KLHL13: variants seen among roughly 807,000 people sequenced by gnomAD.
The protein encoded by KLHL13 is kelch like family member 13.
KLHL13 carries 10 observed loss-of-function variants against 37.1 expected under a neutral mutation model. The ratio of observed to expected loss-of-function variants is 0.27; its 90% CI spans 0.17 to 0.46. The LOEUF is 0.46. Ranked by LOEUF, KLHL13 falls within the 20% of genes least tolerant of loss-of-function variation. KLHL13 has a pLI of 1.00. For synonymous variants in KLHL13, 163 were observed against 181.2 expected (o/e 0.90, Z 0.81); for missense variants, 360 against 509.3 (o/e 0.71, Z 2.82).
At chrX:118,038,061 G>A (rs1331786197) in intron 1 of KLHL13, among the ~76,000 whole-genome samples, 1 of 112,457 alleles carries the variant, frequency 8.9e-6, no homozygotes, top group Admixed American at 9.4e-5. Context: ...GAGAACAATT[G>A]TTTGATGTAC....
intron 1 of KLHL13, among the ~76,000 whole-genome samples, chrX:118,061,976 T>C (rs1421694054): frequency 2.7e-5 from 3 of 111,532 alleles, no homozygotes; most frequent in Non-Finnish European, 5.7e-5. Context: ...TCTATCTTTT[T>C]GGTATAGAGA....
intron 1 of KLHL13, among the ~76,000 whole-genome samples, chrX:118,036,743 G>T (rs1602673799): frequency 1.8e-5 from 2 of 110,885 alleles, no homozygotes; most frequent in Non-Finnish European, 3.8e-5. Flanking sequence ...ATTGACAAAT[G>T]GGATCTAATT....
intron 1 of KLHL13, among the ~76,000 whole-genome samples, chrX:118,034,206 T>C (rs1417477427): frequency 9.5e-6 from 1 of 104,939 alleles, no homozygotes; most frequent in African/African-American, 3.8e-5. Flanking sequence ...AACAAGGATA[T>C]CCAGGAATTG....
At chrX:118,084,144 ACT>A (rs758553989) in intron 1 of KLHL13, among the ~76,000 whole-genome samples, 1 of 104,110 alleles carries the variant, frequency 9.6e-6, no homozygotes, top group East Asian at 3.0e-4. Context: ...ACATAATGAA[ACT>A]CTGTCTCTAC....
At chrX:117,931,804 G>A (rs1007413773) in intron 2 of KLHL13, among the ~76,000 whole-genome samples, 1 of 111,175 alleles carries the variant, frequency 9.0e-6, no homozygotes, top group Non-Finnish European at 1.9e-5. Flanking sequence ...TAATCTCCCT[G>A]AGCTTCAGCG....
intron 1 of KLHL13, among the ~76,000 whole-genome samples, chrX:118,080,532 G>A (rs1292662340): frequency 1.8e-5 from 2 of 111,540 alleles, no homozygotes; most frequent in Non-Finnish European, 1.9e-5. Flanking sequence ...CTAATCATCA[G>A]AGAAATTCAA....
chrX:117,976,947 G>A (rs1189569453), upstream of KLHL13, among the ~76,000 whole-genome samples: 2 of 111,559 alleles, frequency 1.8e-5, no homozygotes, highest in Admixed American at 9.5e-5. Context: ...TTGTATAAAC[G>A]AAAACACTGA....
intron 1 of KLHL13, among the ~76,000 whole-genome samples, chrX:118,076,505 T>C (rs1252520640): frequency 1.8e-5 from 2 of 111,591 alleles, no homozygotes; most frequent in African/African-American, 3.2e-5. Flanking sequence ...ACTGCAGTCG[T>C]TGCATTGGGA....
At chrX:118,107,687 TC>T (rs993252126) in intron 1 of KLHL13, among the ~76,000 whole-genome samples, 1 of 111,619 alleles carries the variant, frequency 9.0e-6, no homozygotes, top group African/African-American at 3.3e-5. Flanking sequence ...CAAAAGGCAG[TC>T]AGGATTTGAA....
At position 117,925,753 on chromosome X, in the gene KLHL13, G is replaced by A. The variant is rs143782918; in HGVS notation, c.241-5383C>T. Among the ~76,000 whole-genome samples, 892 of 111,740 alleles carry A rather than the reference G, an allele frequency of 8.0e-3. 7 individuals are homozygous for A. Among genetic ancestry groups the A allele is most frequent in the African/African-American group, 0.028 (857 of 30,697 alleles). On this transcript the variant is annotated intron_variant, in intron 2 of 6. Coordinates refer to ENST00000262820, the Ensembl canonical transcript of KLHL13. ...ATTAGTTCCCTATATACTCTGACCC[G>A]TCTTATCAGGTTGTTCTCCAAACGA...
chrX:117,988,971 T>A (rs1374937641), intron 1 of KLHL13, among the ~76,000 whole-genome samples: 1 of 111,972 alleles, frequency 8.9e-6, no homozygotes. Context: ...AGGGCCAAGA[T>A]ATACATGCCA....
At chrX:118,085,160 A>T (rs1361894828) in intron 1 of KLHL13, among the ~76,000 whole-genome samples, 1 of 111,708 alleles carries the variant, frequency 9.0e-6, no homozygotes, top group African/African-American at 3.3e-5. Context: ...GAATAAACAT[A>T]AGTAGTAGTA....
intron 1 of KLHL13, among the ~76,000 whole-genome samples, chrX:118,019,603 T>C (rs1329110389): frequency 9.0e-6 from 1 of 111,535 alleles, no homozygotes; most frequent in Non-Finnish European, 1.9e-5. Context: ...CTAGGTTTCC[T>C]TCTAGGGTTT....
At chrX:118,049,338 G>A (rs2054591465) in intron 1 of KLHL13, among the ~76,000 whole-genome samples, 2 of 111,863 alleles carry the variant, frequency 1.8e-5, no homozygotes, top group South Asian at 7.4e-4. Context: ...GCACATAATT[G>A]CACTCCTCTA....
At chrX:118,099,078 G>T (rs1004232242) in intron 1 of KLHL13, among the ~76,000 whole-genome samples, 1 of 109,123 alleles carries the variant, frequency 9.2e-6, no homozygotes, top group Non-Finnish European at 1.9e-5. Flanking sequence ...CCTGCACGTT[G>T]TGCACATGTA....
chrX:118,098,686 C>A (rs1194608589), intron 1 of KLHL13, among the ~76,000 whole-genome samples: 1 of 105,543 alleles, frequency 9.5e-6, no homozygotes, highest in African/African-American at 3.5e-5. Flanking sequence ...AAATGTCCAA[C>A]AATGATAGAC....
Position 117,973,092 on chromosome X carries a change from A to G in KLHL13, c.-264T>C, listed in dbSNP as rs149213612. The G allele has an allele frequency of 3.4e-3, 3,394 of 997,083 alleles. 56 individuals are homozygous for G. In the African/African-American group the frequency reaches 0.057, roughly 17 times the overall value. The allele number at this position is 997,083 out of a possible 1,213,427, so 82.2% of individuals were successfully genotyped here. A position where few individuals can be genotyped will look rare whatever the true frequency, so the allele number is the denominator to read the frequency against. On this transcript the variant is annotated 5_prime_UTR_variant, in exon 1 of 7. Coordinates refer to ENST00000262820, the Ensembl canonical transcript of KLHL13. ...GTGCCAGAAAAGCGTTGACTGCAGT[A>G]TATTTTTTTAGGACTGCACTGTGCA...
intron 1 of KLHL13, among the ~76,000 whole-genome samples, chrX:118,084,851 A>T (rs2055035949): frequency 9.1e-6 from 1 of 109,874 alleles, no homozygotes; most frequent in Non-Finnish European, 1.9e-5. Context: ...ATATGGAGAA[A>T]CCCCATTCTA....
At chrX:118,096,757 T>A (rs988821229) in intron 1 of KLHL13, among the ~76,000 whole-genome samples, 1 of 111,825 alleles carries the variant, frequency 8.9e-6, no homozygotes, top group African/African-American at 3.3e-5. Flanking sequence ...ATCCCTGGGA[T>A]GCAAGGCTGG....
Sources: allele counts gnomAD v4.1 joint callset (sites outside exome capture counted in the v4.1 genomes callset), GRCh38; gene constraint gnomAD v4.1.1; transcripts MANE v1.5; gene names NCBI Gene and HGNC (gene_info 2026-07-23, HGNC 2026-07-21).